Variants in RARB observed in about 807,000 individuals in gnomAD.
The protein encoded by RARB is retinoic acid receptor beta.
In RARB, 17 loss-of-function variants were observed where a neutral mutation model predicts 51.9. The observed-to-expected ratio is 0.33, with a 90% CI of 0.22 to 0.49. RARB has a LOEUF of 0.49. Ranked by LOEUF, RARB falls within the 20% of genes least tolerant of loss-of-function variation. The pLI, the probability that RARB is intolerant of heterozygous loss-of-function variation, is 0.99. For missense variants in RARB, 369 were observed against 550.8 expected, an observed-to-expected ratio of 0.67 and a Z score of 3.30; for synonymous variants, 215 against 195.4, an observed-to-expected ratio of 1.10 and a Z score of -0.84.
At chr3:25,164,001 G>A (rs1488373508) in intron 4 of RARB, among the ~76,000 whole-genome samples, 1 of 152,092 alleles carries the variant, frequency 6.6e-6, no homozygotes, top group Non-Finnish European at 1.5e-5. Flanking sequence ...GCTTGGTATG[G>A]TGGACAAAGA....
At chr3:25,212,836 C>T (rs1011777960) in intron 5 of RARB, among the ~76,000 whole-genome samples, 2 of 152,004 alleles carry the variant, frequency 1.3e-5, no homozygotes, top group African/African-American at 4.8e-5. Context: ...ACTAAAAGAC[C>T]AAAGCAATTT....
chr3:24,887,286 A>G (rs568816042), intron 2 of RARB, among the ~76,000 whole-genome samples: 1 of 152,374 alleles, frequency 6.6e-6, no homozygotes, highest in African/African-American at 2.4e-5. Context: ...ATAATTTTCT[A>G]TAAGCTATCC....
intron 2 of RARB, among the ~76,000 whole-genome samples, chr3:24,869,548 A>G (rs1487293754): frequency 1.3e-5 from 2 of 152,128 alleles, no homozygotes; most frequent in South Asian, 2.1e-4. Flanking sequence ...ATGCATATAC[A>G]TATGAATTAT....
chr3:24,993,137 TTA>T (rs1696949421), intron 2 of RARB, among the ~76,000 whole-genome samples: 1 of 152,188 alleles, frequency 6.6e-6, no homozygotes, highest in Admixed American at 6.6e-5. Flanking sequence ...ACTTTTTTCT[TTA>T]TATAGGGAAT....
chr3:25,185,621 ATTT>A (rs576978270), intron 5 of RARB, among the ~76,000 whole-genome samples: 2 of 152,050 alleles, frequency 1.3e-5, no homozygotes, highest in East Asian at 3.9e-4. Context: ...TTAGTAAATC[ATTT>A]TTTTTATAAT....
intron 5 of RARB, among the ~76,000 whole-genome samples, chr3:25,263,152 T>A (rs1703047645): frequency 6.6e-6 from 1 of 152,200 alleles, no homozygotes; most frequent in Non-Finnish European, 1.5e-5. Context: ...AATGTGATGG[T>A]AGTCATGTAA....
intron 3 of RARB, among the ~76,000 whole-genome samples, chr3:25,062,803 A>G (rs1289032158): frequency 6.6e-6 from 1 of 151,950 alleles, no homozygotes; most frequent in African/African-American, 2.4e-5. Flanking sequence ...TAGGTATAGG[A>G]TTTCTTTTTG....
intron 3 of RARB, among the ~76,000 whole-genome samples, chr3:25,547,999 GT>G (rs1330320750): frequency 3.3e-5 from 5 of 151,856 alleles, no homozygotes; most frequent in African/African-American, 1.2e-4. Context: ...TATTTTATCT[GT>G]TTGAGCCCCA....
chr3:25,370,407 G>A (rs757494259), intron 5 of RARB, among the ~76,000 whole-genome samples: 2 of 152,160 alleles, frequency 1.3e-5, no homozygotes, highest in African/African-American at 2.4e-5. Context: ...GCTTACACAA[G>A]TACCTTAAGG....
chr3:25,038,011 C>T lies in RARB; in HGVS notation c.-379-22114C>T, dbSNP rs539622612. 1.3e-4 allele frequency among the ~76,000 whole-genome samples: 20 copies of T among 152,248 alleles called. No individual in the cohort carries two copies. In the South Asian group the frequency reaches 3.5e-3, roughly 27 times the overall value. On this transcript the variant is annotated intron_variant, in intron 2 of 11. Transcript: ENST00000383772. ...ACAACTTGGCAAGCTAGTTATTTTC[C>T]CATTTAGACATGGAGAAAATGAGGC...
At chr3:25,127,211 C>A (rs1368594027) in intron 3 of RARB, among the ~76,000 whole-genome samples, 1 of 152,132 alleles carries the variant, frequency 6.6e-6, no homozygotes, top group Admixed American at 6.6e-5. Context: ...AGAATAAAAG[C>A]CAGACCCATG....
chr3:25,206,500 T>C (rs1182905472), intron 5 of RARB, among the ~76,000 whole-genome samples: 2 of 152,222 alleles, frequency 1.3e-5, no homozygotes. Flanking sequence ...AACTCAGATC[T>C]ACTAAGTATG....
intron 2 of RARB, among the ~76,000 whole-genome samples, chr3:25,031,236 A>G (rs978969087): frequency 6.6e-6 from 1 of 151,650 alleles, no homozygotes; most frequent in African/African-American, 2.4e-5. Context: ...CCCCTTCCAA[A>G]CCCCTCTCCC....
At chr3:24,839,336 T>A (rs969338455) in intron 1 of RARB, among the ~76,000 whole-genome samples, 1 of 152,116 alleles carries the variant, frequency 6.6e-6, no homozygotes, top group Non-Finnish European at 1.5e-5. Flanking sequence ...TGATTTATAC[T>A]TTTTAGGTTT....
At chr3:25,173,534 T>G (rs1700682810) in intron 4 of RARB, among the ~76,000 whole-genome samples, 1 of 152,198 alleles carries the variant, frequency 6.6e-6, no homozygotes. Context: ...CTCCCATAAT[T>G]TTATTATCTT....
intron 2 of RARB, among the ~76,000 whole-genome samples, chr3:24,859,087 T>C (rs1029794353): frequency 2.0e-5 from 3 of 151,452 alleles, no homozygotes; most frequent in Admixed American, 6.6e-5. Flanking sequence ...AATACTCTTA[T>C]TAGAAGCTAT....
intron 5 of RARB, among the ~76,000 whole-genome samples, chr3:25,223,045 C>T (rs1701981138): frequency 6.6e-6 from 1 of 152,014 alleles, no homozygotes; most frequent in South Asian, 2.1e-4. Flanking sequence ...AATTTACAGG[C>T]AGTAAACTTT....
intron 2 of RARB, among the ~76,000 whole-genome samples, chr3:25,031,265 A>G (rs1697868076): frequency 6.6e-6 from 1 of 152,202 alleles, no homozygotes; most frequent in African/African-American, 2.4e-5. Flanking sequence ...CATATTGAGA[A>G]CCACTGGACT....
chr3:25,123,568 T>G (rs1699816189), intron 3 of RARB, among the ~76,000 whole-genome samples: 1 of 152,212 alleles, frequency 6.6e-6, no homozygotes, highest in African/African-American at 2.4e-5. Context: ...TGTATCACCT[T>G]TTCTAATCAT....
Sources: allele counts gnomAD v4.1 joint callset (sites outside exome capture counted in the v4.1 genomes callset), GRCh38; gene constraint gnomAD v4.1.1; transcripts MANE v1.5; gene names NCBI Gene and HGNC (gene_info 2026-07-23, HGNC 2026-07-21).